Variants in PCCA observed in about 807,000 individuals in gnomAD.
PCCA encodes the protein propionyl-CoA carboxylase alpha chain, mitochondrial.
Under a neutral mutation model 101.3 loss-of-function variants are expected in PCCA, and 74 were observed. The ratio of observed to expected loss-of-function variants is 0.73; its 90% confidence interval spans 0.61 to 0.89. PCCA has a LOEUF of 0.89. Ranked by LOEUF, PCCA falls within the 40% of genes least tolerant of loss-of-function variation. The pLI is 0.00. For synonymous variants in PCCA, 294 were observed against 313.6 expected (o/e 0.94, Z 0.66); for missense variants, 891 against 907.0 (o/e 0.98, Z 0.23).
chr13:100,521,006 G>A (rs1044298487), intron 22 of PCCA, among the ~76,000 whole-genome samples: 3 of 152,068 alleles, frequency 2.0e-5, no homozygotes, highest in African/African-American at 7.2e-5. Context: ...ATCCTTTCAC[G>A]GAGCGCTTTC....
intron 6 of PCCA, among the ~76,000 whole-genome samples, chr13:100,188,839 C>T (rs56205555): frequency 0.15 from 22,982 of 151,364 alleles, 1,848 homozygotes; most frequent in Middle Eastern, 0.22. Flanking sequence ...GTTTGTTGGC[C>T]ATCTGTATAT....
At chr13:100,184,362 G>T (rs2057063455) in intron 6 of PCCA, among the ~76,000 whole-genome samples, 1 of 152,086 alleles carries the variant, frequency 6.6e-6, no homozygotes. Context: ...ATAAGAGATG[G>T]GTTATTTAGC....
chr13:100,516,747 G>A (rs76416840), intron 22 of PCCA, among the ~76,000 whole-genome samples: 2,484 of 133,710 alleles, frequency 0.019, 29 homozygotes, highest in Non-Finnish European at 0.031. Context: ...GTGTGTGTGT[G>A]TGTGTGTGTG....
At chr13:100,483,370 C>T (rs1206723899) in intron 21 of PCCA, among the ~76,000 whole-genome samples, 1 of 152,214 alleles carries the variant, frequency 6.6e-6, no homozygotes, top group African/African-American at 2.4e-5. Flanking sequence ...ATGTGTCCGG[C>T]GCTGTCCTTT....
intron 6 of PCCA, among the ~76,000 whole-genome samples, chr13:100,183,814 A>T (rs1394068652): frequency 6.6e-6 from 1 of 152,158 alleles, no homozygotes; most frequent in Admixed American, 6.6e-5. Flanking sequence ...TGTTTATACC[A>T]TTCAAGCTTT....
At chr13:100,523,145 G>T (rs1276847028) in intron 22 of PCCA, among the ~76,000 whole-genome samples, 1 of 152,174 alleles carries the variant, frequency 6.6e-6, no homozygotes, top group East Asian at 1.9e-4. Flanking sequence ...TCTGAGAGGG[G>T]GCATGTGCGG....
chr13:100,122,065 G>C (rs1196545496), intron 4 of PCCA, among the ~76,000 whole-genome samples: 4 of 152,136 alleles, frequency 2.6e-5, no homozygotes, highest in Non-Finnish European at 5.9e-5. Context: ...ATCAAGAACA[G>C]GTGTTGCATT....
chr13:100,413,955 G>A (rs2078204636), intron 19 of PCCA, among the ~76,000 whole-genome samples: 1 of 152,150 alleles, frequency 6.6e-6, no homozygotes, highest in African/African-American at 2.4e-5. Context: ...TAATTAAACT[G>A]TGGGCAAAAT....
At chr13:100,507,095 TC>T (rs1435959137) in intron 21 of PCCA, among the ~76,000 whole-genome samples, 1 of 152,180 alleles carries the variant, frequency 6.6e-6, no homozygotes, top group Non-Finnish European at 1.5e-5. Context: ...CTTTCAAAGA[TC>T]TATAATATTT....
intron 6 of PCCA, among the ~76,000 whole-genome samples, chr13:100,192,145 A>T (rs1028052408): frequency 6.6e-6 from 1 of 152,232 alleles, no homozygotes; most frequent in Admixed American, 6.5e-5. Flanking sequence ...GCCACTTCAC[A>T]TATGAAAATA....
chr13:100,282,545 C>T (rs1272378531), intron 12 of PCCA, among the ~76,000 whole-genome samples: 43 of 152,286 alleles, frequency 2.8e-4, no homozygotes, highest in Admixed American at 2.2e-3. Flanking sequence ...TCAGAGCAGC[C>T]GGGCAATGAG....
At chr13:100,120,032 A>G (rs760627324) in intron 4 of PCCA, among the ~76,000 whole-genome samples, 1 of 150,872 alleles carries the variant, frequency 6.6e-6, no homozygotes, top group Admixed American at 6.6e-5. Flanking sequence ...TCACCAAACT[A>G]CTGAATTTTC....
intron 4 of PCCA, among the ~76,000 whole-genome samples, chr13:100,147,868 A>C (rs1037419353): frequency 2.0e-5 from 3 of 152,142 alleles, no homozygotes; most frequent in Admixed American, 6.5e-5. Flanking sequence ...TGATGGATCT[A>C]TATAGTTTTT....
At chr13:100,389,913 G>A (rs894744172) in intron 19 of PCCA, among the ~76,000 whole-genome samples, 45 of 152,274 alleles carry the variant, frequency 3.0e-4, no homozygotes, top group African/African-American at 8.4e-4. Context: ...GCAGGGAGTC[G>A]GACAGAGTTG....
chr13:100,170,969 A>G (rs1286752299), intron 6 of PCCA, among the ~76,000 whole-genome samples: 1 of 152,200 alleles, frequency 6.6e-6, no homozygotes, highest in Non-Finnish European at 1.5e-5. Context: ...ACCCTTTCAG[A>G]CACTCTGAAG....
chr13:100,503,256 C>A (rs192098455), intron 21 of PCCA, among the ~76,000 whole-genome samples: 2 of 151,566 alleles, frequency 1.3e-5, no homozygotes, highest in African/African-American at 4.8e-5. Flanking sequence ...TTTGGGAGGC[C>A]GAGGTGGGTG....
chr13:100,407,790 A>G (rs1456121583), intron 19 of PCCA, among the ~76,000 whole-genome samples: 1 of 152,164 alleles, frequency 6.6e-6, no homozygotes, highest in Non-Finnish European at 1.5e-5. Context: ...CATACCTTGC[A>G]TGTAAATCTA....
chr13:100,359,304 G>A (rs570087857), intron 18 of PCCA, among the ~76,000 whole-genome samples: 73 of 152,000 alleles, frequency 4.8e-4, no homozygotes, highest in Non-Finnish European at 8.5e-4. Context: ...TGTTTTTATC[G>A]TGTTTATACA....
At chr13:100,185,081 T>G (rs1282369477) in intron 6 of PCCA, among the ~76,000 whole-genome samples, 2 of 152,246 alleles carry the variant, frequency 1.3e-5, no homozygotes, top group African/African-American at 4.8e-5. Flanking sequence ...GGTCAAAAAG[T>G]AAGACAAATG....
Sources: gnomAD v4.1 joint callset for allele counts (sites outside exome capture counted in the v4.1 genomes callset) on GRCh38, gnomAD v4.1.1 for gene constraint, MANE v1.5 for transcripts, NCBI Gene and HGNC (gene_info 2026-07-23, HGNC 2026-07-21) for gene names.